ANKRD30BL: variants seen among roughly 807,000 people sequenced by gnomAD.
ANKRD30BL encodes the protein putative ankyrin repeat domain-containing protein 30B-like.
In ANKRD30BL, 20 loss-of-function variants were observed where a neutral mutation model predicts 18.4. The ratio of observed to expected loss-of-function variants is 1.09; its 90% CI spans 0.77 to 1.58. ANKRD30BL has a LOEUF of 1.58. Among genes scored for constraint, ANKRD30BL ranks in the 40% most tolerant of loss-of-function variants. ANKRD30BL has a pLI of 0.00. For missense variants in ANKRD30BL, 224 were observed against 268.6 expected, an observed-to-expected ratio of 0.83 and a Z score of 1.16; for synonymous variants, 72 against 100.9, an observed-to-expected ratio of 0.71 and a Z score of 1.72.
chr2:132,200,598 T>G (rs1476913770), intron 1 of ANKRD30BL, among the ~76,000 whole-genome samples: 12 of 152,192 alleles, frequency 7.9e-5, no homozygotes, highest in African/African-American at 1.7e-4. Context: ...GGATGTGAAG[T>G]ACCTCTTCAA....
intron 1 of ANKRD30BL, among the ~76,000 whole-genome samples, chr2:132,203,547 A>C (rs1251027344): frequency 6.6e-6 from 1 of 152,196 alleles, no homozygotes; most frequent in Non-Finnish European, 1.5e-5. Flanking sequence ...TTAAATATTT[A>C]TTAATTTCTG....
intron 1 of ANKRD30BL, among the ~76,000 whole-genome samples, chr2:132,255,665 ATTG>A (rs1199448799): frequency 3.9e-5 from 6 of 152,142 alleles, no homozygotes; most frequent in African/African-American, 9.6e-5. Flanking sequence ...AGAGTCCTGT[ATTG>A]TTATTTTTCG....
intron 1 of ANKRD30BL, among the ~76,000 whole-genome samples, chr2:132,231,312 A>G (rs1287696187): frequency 6.6e-6 from 1 of 152,154 alleles, no homozygotes; most frequent in African/African-American, 2.4e-5. Flanking sequence ...TTCATTGAAA[A>G]CGGGAATGTC....
At chr2:132,215,400 T>C (rs191790393) in intron 1 of ANKRD30BL, among the ~76,000 whole-genome samples, 3 of 152,248 alleles carry the variant, frequency 2.0e-5, no homozygotes, top group Admixed American at 6.5e-5. Context: ...CTATTTGTGA[T>C]ATGTGCATTC....
chr2:132,216,356 T>C (rs1394582134), intron 1 of ANKRD30BL, among the ~76,000 whole-genome samples: 4 of 152,030 alleles, frequency 2.6e-5, no homozygotes, highest in Non-Finnish European at 5.9e-5. Flanking sequence ...GGAAATATCT[T>C]CACATAAGAG....
At position 132,256,131 on chromosome 2, in the gene ANKRD30BL, G is replaced by T. The variant is rs78325658; in HGVS notation, n.441+1398C>A. Reference sequence around the variant, plus strand: ...CGCAGTTTTACTGTACCAGCCCTGCGTACTTAGACATGTATGGCTTAATCT... The same window carrying T: ...CGCAGTTTTACTGTACCAGCCCTGCTTACTTAGACATGTATGGCTTAATCT... On this transcript the variant is annotated intron_variant and non_coding_transcript_variant, in intron 1 of 4. Coordinates refer to the ANKRD30BL transcript ENST00000470729. Among the ~76,000 whole-genome samples, 317 of 152,350 alleles carry T rather than the reference G, an allele frequency of 2.1e-3. 3 individuals are homozygous for T. Among genetic ancestry groups the T allele is most frequent in the African/African-American group, 7.2e-3 (298 of 41,582 alleles).
chr2:132,247,878 A>C (rs528420768), intron 1 of ANKRD30BL, among the ~76,000 whole-genome samples: 1 of 152,090 alleles, frequency 6.6e-6, no homozygotes, highest in Non-Finnish European at 1.5e-5. Flanking sequence ...AGTAATACAC[A>C]TGTCAGAAAG....
chr2:132,248,140 T>C (rs1680551075), intron 1 of ANKRD30BL, among the ~76,000 whole-genome samples: 1 of 152,098 alleles, frequency 6.6e-6, no homozygotes, highest in African/African-American at 2.4e-5. Context: ...CTCAGAAATA[T>C]CCCGTTGCAG....
chr2:132,244,782 C>T (rs1264128215), intron 1 of ANKRD30BL, among the ~76,000 whole-genome samples: 1 of 152,298 alleles, frequency 6.6e-6, no homozygotes, highest in Non-Finnish European at 1.5e-5. Flanking sequence ...TAGACAGAAG[C>T]ATTCTCAGAA....
intron 1 of ANKRD30BL, among the ~76,000 whole-genome samples, chr2:132,239,016 A>G (rs757821734): frequency 4.6e-5 from 7 of 152,114 alleles, no homozygotes; most frequent in African/African-American, 1.7e-4. Flanking sequence ...CTTGCATTCA[A>G]CTCACACTGT....
intron 1 of ANKRD30BL, among the ~76,000 whole-genome samples, chr2:132,177,574 A>G (rs960884239): frequency 6.6e-6 from 1 of 152,208 alleles, no homozygotes; most frequent in Non-Finnish European, 1.5e-5. Flanking sequence ...GATCTTATCA[A>G]TGTTTATATC....
intron 1 of ANKRD30BL, among the ~76,000 whole-genome samples, chr2:132,159,881 TA>T (rs376387224): frequency 1.0e-3 from 159 of 152,278 alleles, no homozygotes; most frequent in African/African-American, 3.7e-3. Context: ...TTTTGTATAT[TA>T]AAAAAATTTA....
At chr2:132,257,372 A>G (rs553971172) in intron 1 of ANKRD30BL, among the ~76,000 whole-genome samples, 1 of 152,278 alleles carries the variant, frequency 6.6e-6, no homozygotes, top group South Asian at 2.1e-4. Flanking sequence ...AGGCACAGCC[A>G]CCGCTCACGC....
At chr2:132,198,598 C>T (rs936308633) in intron 1 of ANKRD30BL, among the ~76,000 whole-genome samples, 6 of 151,462 alleles carry the variant, frequency 4.0e-5, no homozygotes, top group African/African-American at 1.5e-4. Context: ...GCTGGGATCA[C>T]AGGCATGAGC....
chr2:132,162,494 C>T (rs1688101865), upstream of ANKRD30BL, among the ~76,000 whole-genome samples: 1 of 152,152 alleles, frequency 6.6e-6, no homozygotes, highest in Non-Finnish European at 1.5e-5. Flanking sequence ...ACCACTGGGC[C>T]CTGTACAGCT....
intron 1 of ANKRD30BL, among the ~76,000 whole-genome samples, chr2:132,186,655 T>A (rs1688564865): frequency 6.6e-6 from 1 of 152,228 alleles, no homozygotes; most frequent in Non-Finnish European, 1.5e-5. Context: ...TTATGTGTTA[T>A]GTGGCATAAC....
intron 1 of ANKRD30BL, among the ~76,000 whole-genome samples, chr2:132,250,522 G>A (rs80223028): frequency 3.9e-5 from 6 of 152,158 alleles, no homozygotes; most frequent in African/African-American, 1.2e-4. Context: ...ATGTAGAGCC[G>A]AAAATGTGAA....
chr2:132,250,581 G>T (rs935853820), intron 1 of ANKRD30BL, among the ~76,000 whole-genome samples: 1 of 152,190 alleles, frequency 6.6e-6, no homozygotes, highest in African/African-American at 2.4e-5. Flanking sequence ...TTGTAGAAAA[G>T]AAAACAGATT....
intron 1 of ANKRD30BL, among the ~76,000 whole-genome samples, chr2:132,168,151 G>T (rs1178540143): frequency 6.6e-6 from 1 of 152,006 alleles, no homozygotes; most frequent in East Asian, 1.9e-4. Context: ...TTTTCTATTT[G>T]CTTTCTTTGT....
Sources: gnomAD v4.1 joint callset for allele counts (sites outside exome capture counted in the v4.1 genomes callset) on GRCh38, gnomAD v4.1.1 for gene constraint, MANE v1.5 for transcripts, NCBI Gene and HGNC (gene_info 2026-07-23, HGNC 2026-07-21) for gene names.